NEBL: variants seen among roughly 807,000 people sequenced by gnomAD.
NEBL encodes the protein LIM and SH3 protein 2.
NEBL carries 122 observed loss-of-function variants against 140.2 expected under a neutral mutation model. That is an observed-to-expected ratio of 0.87 (90% CI 0.75 to 1.01). NEBL has a LOEUF of 1.01. Ranked by LOEUF, NEBL falls within the 50% of genes least tolerant of loss-of-function variation. NEBL has a pLI of 0.00. For synonymous variants in NEBL, 436 were observed against 398.9 expected, an observed-to-expected ratio of 1.09 and a Z score of -1.11; for missense variants, 1,365 against 1,231.3, an observed-to-expected ratio of 1.11 and a Z score of -1.62.
At chr10:20,905,733 T>A (rs998649959) in intron 4 of NEBL, among the ~76,000 whole-genome samples, 12 of 152,130 alleles carry the variant, frequency 7.9e-5, no homozygotes, top group African/African-American at 2.9e-4. Flanking sequence ...AGACAAGAGT[T>A]GAAAGAACCA....
chr10:21,189,914 A>G (rs1328561331), intron 3 of NEBL, among the ~76,000 whole-genome samples: 1 of 152,198 alleles, frequency 6.6e-6, no homozygotes, highest in Non-Finnish European at 1.5e-5. Flanking sequence ...GCATCACAGC[A>G]TCTCATCTCT....
rs575304096 is a variant in NEBL, at chr10:21,243,206, A to G, written n.348+4715T>C. 1.4e-3 allele frequency among the ~76,000 whole-genome samples: 211 copies of G among 152,010 alleles called. 1 individual carries two copies. Among genetic ancestry groups the G allele is most frequent in the Non-Finnish European group, 2.6e-3 (177 of 67,990 alleles). Reference sequence around the variant, plus strand: ...AAATCATGGTAGACATCCATTCAAGATATCTAGACCTTTGCGGACATCTTG... The same window carrying G: ...AAATCATGGTAGACATCCATTCAAGGTATCTAGACCTTTGCGGACATCTTG... On this transcript the variant is annotated intron_variant and non_coding_transcript_variant, in intron 3 of 8. Transcript: ENST00000675702.
chr10:21,019,185 A>G (rs1763035984), intron 3 of NEBL, among the ~76,000 whole-genome samples: 1 of 152,232 alleles, frequency 6.6e-6, no homozygotes, highest in Admixed American at 6.5e-5. Context: ...CCACAGTCAT[A>G]GAATATCTTC....
intron 19 of NEBL, among the ~76,000 whole-genome samples, chr10:20,821,024 G>A (rs1475277274): frequency 2.0e-5 from 3 of 152,088 alleles, no homozygotes; most frequent in African/African-American, 7.2e-5. Flanking sequence ...GAGATGTTAC[G>A]CAGATTCTTG....
At chr10:21,078,365 T>C (rs1269305715) in intron 2 of NEBL, among the ~76,000 whole-genome samples, 2 of 152,238 alleles carry the variant, frequency 1.3e-5, no homozygotes, top group African/African-American at 4.8e-5. Context: ...CGAACACTTT[T>C]ATGATCAGAA....
intron 3 of NEBL, among the ~76,000 whole-genome samples, chr10:21,013,283 G>A (rs1033656795): frequency 6.6e-6 from 1 of 152,032 alleles, no homozygotes; most frequent in Non-Finnish European, 1.5e-5. Flanking sequence ...TATCATTTAC[G>A]TTGCCTCAAA....
intron 2 of NEBL, among the ~76,000 whole-genome samples, chr10:21,061,216 G>A (rs2131878344): frequency 7.9e-6 from 1 of 126,738 alleles, no homozygotes; most frequent in South Asian, 2.5e-4. Flanking sequence ...ATAATATAGA[G>A]AGATGTGGCA....
At chr10:20,861,873 A>G (rs571290513) in intron 7 of NEBL, among the ~76,000 whole-genome samples, 1 of 152,290 alleles carries the variant, frequency 6.6e-6, no homozygotes, top group Admixed American at 6.5e-5. Flanking sequence ...CAGTAAACCC[A>G]CCGTAAGTTA....
intron 2 of NEBL, among the ~76,000 whole-genome samples, chr10:21,028,528 T>A (rs1001585002): frequency 4.6e-5 from 7 of 152,130 alleles, no homozygotes; most frequent in African/African-American, 4.8e-5. Flanking sequence ...AGGATTTTTT[T>A]AAAGACAAAG....
intron 2 of NEBL, among the ~76,000 whole-genome samples, chr10:21,057,851 G>T (rs1835101313): frequency 6.6e-6 from 1 of 152,080 alleles, no homozygotes; most frequent in African/African-American, 2.4e-5. Flanking sequence ...GCCCTGATCT[G>T]TTAATTTATT....
intron 4 of NEBL, among the ~76,000 whole-genome samples, chr10:20,921,970 C>G (rs1833609225): frequency 6.6e-6 from 1 of 152,150 alleles, no homozygotes; most frequent in African/African-American, 2.4e-5. Flanking sequence ...AACCTCACTA[C>G]AATTTTATGT....
chr10:21,154,045 C>T (rs1840242326), intron 2 of NEBL, among the ~76,000 whole-genome samples: 1 of 152,038 alleles, frequency 6.6e-6, no homozygotes, highest in African/African-American at 2.4e-5. Context: ...GAAACTGTTT[C>T]CTAAAAATCA....
At chr10:21,044,179 C>T (rs905576656) in intron 2 of NEBL, among the ~76,000 whole-genome samples, 12 of 151,960 alleles carry the variant, frequency 7.9e-5, no homozygotes, top group East Asian at 3.9e-4. Flanking sequence ...GGCGGATCAC[C>T]TGAGGTCAGG....
intron 2 of NEBL, among the ~76,000 whole-genome samples, chr10:21,073,349 G>A (rs892605251): frequency 7.9e-5 from 12 of 151,642 alleles, no homozygotes; most frequent in African/African-American, 2.9e-4. Context: ...AGACACGGTG[G>A]CTCATGCCTG....
At chr10:21,044,165 G>A (rs895762711) in intron 2 of NEBL, among the ~76,000 whole-genome samples, 12 of 152,104 alleles carry the variant, frequency 7.9e-5, no homozygotes, top group South Asian at 6.2e-4. Flanking sequence ...TGGAGGCCAA[G>A]GCGGGCGGAT....
intron 2 of NEBL, among the ~76,000 whole-genome samples, chr10:21,068,378 A>G (rs1157730193): frequency 6.6e-6 from 1 of 152,158 alleles, no homozygotes; most frequent in Non-Finnish European, 1.5e-5. Context: ...GGGCTGTTTC[A>G]ACCCCTACTC....
chr10:21,135,243 A>G (rs984842080), intron 2 of NEBL, among the ~76,000 whole-genome samples: 2 of 152,232 alleles, frequency 1.3e-5, no homozygotes, highest in Admixed American at 6.5e-5. Flanking sequence ...AGAATATAGT[A>G]CAATCTCTCT....
intron 4 of NEBL, among the ~76,000 whole-genome samples, chr10:20,949,479 A>G (rs1835345388): frequency 1.3e-5 from 2 of 152,196 alleles, no homozygotes; most frequent in South Asian, 4.1e-4. Flanking sequence ...AAGAAATTCA[A>G]AAGTATCACA....
At chr10:21,224,893 A>C (rs1288914307) in intron 3 of NEBL, among the ~76,000 whole-genome samples, 3 of 152,176 alleles carry the variant, frequency 2.0e-5, no homozygotes, top group Non-Finnish European at 4.4e-5. Flanking sequence ...CATCTCCAGT[A>C]GTTTTTTGGT....
Sources: allele counts gnomAD v4.1 joint callset (sites outside exome capture counted in the v4.1 genomes callset), GRCh38; gene constraint gnomAD v4.1.1; transcripts MANE v1.5; gene names NCBI Gene and HGNC (gene_info 2026-07-23, HGNC 2026-07-21).